The following FKBP7 variants were observed in gnomAD, a reference collection of about 807,000 sequenced individuals.
The protein encoded by FKBP7 is FKBP prolyl isomerase 7.
Under a neutral mutation model 24.3 loss-of-function variants are expected in FKBP7, and 24 were observed. The ratio of observed to expected loss-of-function variants is 0.99; its 90% CI spans 0.72 to 1.39. The LOEUF is 1.39. FKBP7 is among the 40% of genes most tolerant of loss of function. The pLI, the probability that FKBP7 is intolerant of heterozygous loss-of-function variation, is 0.00. For synonymous variants in FKBP7, 98 were observed against 92.8 expected, an observed-to-expected ratio of 1.06 and a Z score of -0.32; for missense variants, 257 against 269.5, an observed-to-expected ratio of 0.95 and a Z score of 0.33.
At chr2:178,472,747 C>T (rs1684883272) in intron 2 of FKBP7, among the ~76,000 whole-genome samples, 1 of 148,644 alleles carries the variant, frequency 6.7e-6, no homozygotes, top group South Asian at 2.1e-4. Context: ...TCCTCGGAGG[C>T]TGAGGCAGGA....
At chr2:178,474,189 C>T (rs565649637) in intron 2 of FKBP7, among the ~76,000 whole-genome samples, 11 of 152,220 alleles carry the variant, frequency 7.2e-5, no homozygotes, top group Non-Finnish European at 1.5e-4. Flanking sequence ...TATTTCAAAC[C>T]GGTGGAGTCA....
At position 178,465,973 on chromosome 2, in the gene FKBP7, C is replaced by G. The variant is rs377264414; in HGVS notation, c.508-42G>C. Reference sequence around the variant, plus strand: ...ACATTCCTTTAATTAAAAGGTATCACAGTGAATTTCCAGTAACTTTAAGGA... The same window carrying G: ...ACATTCCTTTAATTAAAAGGTATCAGAGTGAATTTCCAGTAACTTTAAGGA... On this transcript the variant is annotated intron_variant, in intron 3 of 3. Transcript: ENST00000424785. 60 of 1,498,822 alleles carry G rather than the reference C, an allele frequency of 4.0e-5. No individual in the cohort carries two copies. The Middle Eastern group carries it at 8.9e-4, about 22-fold the overall frequency. 92.8% of individuals were successfully genotyped at this position (1,498,822 alleles called of 1,614,324 possible).
chr2:178,467,917 G>A (rs1240616888), intron 3 of FKBP7: 5 of 152,176 alleles, frequency 3.3e-5, no homozygotes, highest in African/African-American at 1.2e-4. Flanking sequence ...GTGATAAGGA[G>A]TCAATAGAGA....
chr2:178,469,648 T>G lies in FKBP7; in HGVS notation c.507+4A>C, dbSNP rs774322266. The G allele has an allele frequency of 6.2e-7, 1 of 1,613,650 alleles. No homozygotes were observed. The highest frequency in any genetic ancestry group is 8.5e-7 in the Non-Finnish European group (1 of 1,179,896). On this transcript the variant is annotated splice_donor_region_variant and intron_variant, in intron 3 of 3. Coordinates refer to ENST00000424785, the MANE Select transcript of FKBP7 (RefSeq NM_181342.3). ...ACTATACACATGAAATTGGTTTGAATTACCTCGGCTTTAGAGAGCTGCCTG... is the reference window on the plus strand; with the variant it reads ...ACTATACACATGAAATTGGTTTGAAGTACCTCGGCTTTAGAGAGCTGCCTG...
rs1208027554 is a variant in FKBP7, at chr2:178,465,195, A to C, written c.*575T>G. Reference sequence around the variant, plus strand: ...AAAATACCCAAGGCTAGAAGCTTACACCAAAAAGTTTAGAGACTGTGTTGC... The same window carrying C: ...AAAATACCCAAGGCTAGAAGCTTACCCCAAAAAGTTTAGAGACTGTGTTGC... On this transcript the variant is annotated 3_prime_UTR_variant, in exon 4 of 4. Coordinates refer to ENST00000424785, the MANE Select transcript of FKBP7 (RefSeq NM_181342.3). 1 of 152,196 alleles carries C rather than the reference A, an allele frequency of 6.6e-6. No individual in the cohort carries two copies. Among genetic ancestry groups the C allele is most frequent in the Non-Finnish European group, 1.5e-5 (1 of 68,036 alleles). The allele number at this position is 152,196 out of a possible 1,614,324, so 9.4% of individuals were successfully genotyped here.
chr2:178,473,170 G>T, intron 2 of FKBP7: 1 of 1,023,616 alleles, frequency 9.8e-7, no homozygotes, highest in Non-Finnish European at 1.4e-6. Context: ...CTAATGTTAG[G>T]TCTTAATAAC....
rs189426780 is a variant in FKBP7 at position 178,476,768 on chromosome 2, C to T, written c.373+294G>A. On this transcript the variant is annotated intron_variant, in intron 2 of 3. Transcript: ENST00000424785. Reference sequence around the variant, plus strand: ...GGGTCTTGCTGTTGCTCAGGCTGGTCCTGGCCTCAAGTGATTCTACCACCT... The same window carrying T: ...GGGTCTTGCTGTTGCTCAGGCTGGTTCTGGCCTCAAGTGATTCTACCACCT... 5.2e-5 allele frequency among the ~76,000 whole-genome samples: 7 copies of T among 134,914 alleles called. No homozygotes were observed. In the South Asian group the frequency reaches 9.1e-4, roughly 18 times the overall value. 88.5% of individuals were successfully genotyped at this position (134,914 alleles called of 152,430 possible).
intron 1 of FKBP7, 27 bp downstream of exon 1, chr2:178,478,252 G>A: frequency 6.2e-7 from 1 of 1,612,290 alleles, no homozygotes; most frequent in Non-Finnish European, 8.5e-7. Context: ...GCAACTGGAC[G>A]CACGGGCAGC....
At chr2:178,466,412 A>C (rs1684659796) in intron 3 of FKBP7, among the ~76,000 whole-genome samples, 1 of 152,172 alleles carries the variant, frequency 6.6e-6, no homozygotes, top group Admixed American at 6.5e-5. Context: ...CCAAGTCTAC[A>C]TAACTATAAT....
chr2:178,466,281 C>A (rs1386880366), intron 3 of FKBP7, among the ~76,000 whole-genome samples: 1 of 152,086 alleles, frequency 6.6e-6, no homozygotes, highest in Non-Finnish European at 1.5e-5. Flanking sequence ...GAAAGAAACC[C>A]AATTGGCATT....
In FKBP7 at chr2:178,465,870, T is replaced by C. The variant is rs766515417; in HGVS notation, c.569A>G (p.Gln190Arg). 1 of 1,611,260 alleles carries C rather than the reference T, an allele frequency of 6.2e-7. No homozygotes were observed. Among genetic ancestry groups the C allele is most frequent in the Non-Finnish European group, 8.5e-7 (1 of 1,178,984 alleles). The part of the protein sequence containing the change: ...KDEKPRDKSY[Q>R]DAVLEDIFKK... The stretch of plus-strand genomic sequence containing the variant: ...AAAAATATCTTCTAAAACTGCATCC[T>C]GATATGACTTGTCACGTGGCTTCTC... The change falls in exon 4 of 4, where the codon CAG becomes CGG. Residue 190 changes from glutamine to arginine, a missense_variant. By Grantham distance (43) the Gln-to-Arg change is conservative. Coordinates refer to ENST00000424785, the MANE Select transcript of FKBP7 (RefSeq NM_181342.3).
Position 178,465,509 on chromosome 2 carries a change from C to A in FKBP7, c.*261G>T. 3.9e-6 allele frequency: 1 copy of A among 256,284 alleles called. No individual in the cohort carries two copies. Among genetic ancestry groups the A allele is most frequent in the Non-Finnish European group, 7.3e-6 (1 of 137,168 alleles). The allele number at this position is 256,284 out of a possible 1,614,324, so 15.9% of individuals were successfully genotyped here. The stretch of plus-strand genomic sequence containing the variant: ...TACATCCTGAAAGGGGAAAAAATGC[C>A]CACTGGGACCCAGAGGTCTGTTTCA... On this transcript the variant is annotated 3_prime_UTR_variant, in exon 4 of 4. Transcript: ENST00000424785.
chr2:178,473,634 G>A (rs1386021029), intron 2 of FKBP7, among the ~76,000 whole-genome samples: 1 of 152,210 alleles, frequency 6.6e-6, no homozygotes, highest in Non-Finnish European at 1.5e-5. Context: ...TGTGCTCTAG[G>A]CAGATAGGAG....
intron 2 of FKBP7, among the ~76,000 whole-genome samples, chr2:178,474,117 G>A (rs1226098515): frequency 6.6e-6 from 1 of 152,188 alleles, no homozygotes. Flanking sequence ...AAGAAGGCAT[G>A]CCACTTCCAT....
rs574620893 is a variant in FKBP7, at chr2:178,478,419, CTTTT to C, written c.77_80del (p.Gln26ArgfsTer9). ...TCACTTCTTCGGTGCTCTCCTCTTT[CTTTT>C]GTCTCTGAGCAGTAAAAAGGCCCCA... On this transcript the variant is annotated frameshift_variant, in exon 1 of 4. Coordinates refer to ENST00000424785, the MANE Select transcript of FKBP7 (RefSeq NM_181342.3). LOFTEE classifies it high-confidence loss of function. The C allele has an allele frequency of 2.3e-3, 3,742 of 1,614,226 alleles. 8 individuals are homozygous for C. The highest frequency in any genetic ancestry group is 2.8e-3 in the Non-Finnish European group (3,350 of 1,180,048).
intron 3 of FKBP7, among the ~76,000 whole-genome samples, chr2:178,468,869 C>CT (rs770408622): frequency 2.6e-3 from 371 of 143,520 alleles, no homozygotes; most frequent in African/African-American, 4.7e-3. Context: ...CTATTATTAT[C>CT]TTTTTTTTTT....
At chr2:178,473,436 T>C (rs1235473046) in intron 2 of FKBP7, among the ~76,000 whole-genome samples, 1 of 152,268 alleles carries the variant, frequency 6.6e-6, no homozygotes, top group Non-Finnish European at 1.5e-5. Context: ...ATACCTCCAA[T>C]TGAATATGAA....
At chr2:178,469,916 AT>A in intron 2 of FKBP7, 131 bp from the exon 3 acceptor site, 2 of 654,868 alleles carry the variant, frequency 3.1e-6, no homozygotes, top group Non-Finnish European at 2.2e-6. Context: ...ACAATTTTTA[AT>A]TTTTTCTCAT....
chr2:178,463,986 T>C lies in FKBP7; in HGVS notation c.*1784A>G, dbSNP rs1684589015. On this transcript the variant is annotated 3_prime_UTR_variant, in exon 4 of 4. Transcript: ENST00000424785. ...AAGCATGTGAAAAAGTATTAGAAAATTGAGCATAGAAATGAAGAAATATTG... is the reference window on the plus strand; with the variant it reads ...AAGCATGTGAAAAAGTATTAGAAAACTGAGCATAGAAATGAAGAAATATTG... 6.6e-6 allele frequency: 1 copy of C among 152,092 alleles called. No homozygotes were observed. The highest frequency in any genetic ancestry group is 1.5e-5 in the Non-Finnish European group (1 of 68,020). 9.4% of individuals were successfully genotyped at this position (152,092 alleles called of 1,614,324 possible).
Sources: gnomAD v4.1 joint callset for allele counts (sites outside exome capture counted in the v4.1 genomes callset) on GRCh38, gnomAD v4.1.1 for gene constraint, MANE v1.5 for transcripts, NCBI Gene and HGNC (gene_info 2026-07-23, HGNC 2026-07-21) for gene names.